Variants in NR3C2 observed in about 807,000 individuals in gnomAD.
The protein encoded by NR3C2 is nuclear receptor subfamily 3 group C member 2, also known as mineralocorticoid receptor.
Under a neutral mutation model 86.4 loss-of-function variants are expected in NR3C2, and 15 were observed. The ratio of observed to expected loss-of-function variants is 0.17; its 90% CI spans 0.12 to 0.27. The LOEUF is 0.27. Among genes scored for constraint, NR3C2 ranks in the 10% least tolerant of loss-of-function variants. The pLI is 1.00. For missense variants in NR3C2, 960 were observed against 1,195.6 expected (o/e 0.80, Z 2.91); for synonymous variants, 458 against 450.5 (o/e 1.02, Z -0.21).
At chr4:148,416,056 AAAT>A (rs1306918364) in intron 2 of NR3C2, among the ~76,000 whole-genome samples, 2 of 152,178 alleles carry the variant, frequency 1.3e-5, no homozygotes, top group East Asian at 3.9e-4. Context: ...TAAATATAAA[AAAT>A]AAATTGTAAT....
intron 8 of NR3C2, among the ~76,000 whole-genome samples, chr4:148,092,161 T>C (rs542316978): frequency 9.1e-4 from 139 of 152,322 alleles, no homozygotes; most frequent in Non-Finnish European, 1.5e-3. Context: ...GTTCTTTCTC[T>C]GCAGTCACCT....
At chr4:148,303,601 C>T (rs1742452626) in intron 2 of NR3C2, among the ~76,000 whole-genome samples, 1 of 151,958 alleles carries the variant, frequency 6.6e-6, no homozygotes, top group Non-Finnish European at 1.5e-5. Flanking sequence ...ATAAGGAGTC[C>T]ATACAACCCC....
At chr4:148,380,872 A>G (rs1274821866) in intron 2 of NR3C2, among the ~76,000 whole-genome samples, 1 of 152,208 alleles carries the variant, frequency 6.6e-6, no homozygotes, top group Admixed American at 6.5e-5. Flanking sequence ...TGACCAAAAA[A>G]CCATAATATT....
At chr4:148,244,413 A>T (rs1739219902) in intron 3 of NR3C2, among the ~76,000 whole-genome samples, 1 of 152,226 alleles carries the variant, frequency 6.6e-6, no homozygotes, top group African/African-American at 2.4e-5. Context: ...TCGAAATTGT[A>T]GCTACTTTGT....
At chr4:148,312,672 T>C (rs1393108197) in intron 2 of NR3C2, among the ~76,000 whole-genome samples, 1 of 152,204 alleles carries the variant, frequency 6.6e-6, no homozygotes, top group African/African-American at 2.4e-5. Context: ...TACAGTTGTA[T>C]ATGATACTCT....
chr4:148,434,396 T>C (rs1270702481), intron 2 of NR3C2, among the ~76,000 whole-genome samples: 1 of 152,208 alleles, frequency 6.6e-6, no homozygotes, highest in Non-Finnish European at 1.5e-5. Context: ...ATAAAATATG[T>C]CTTCTTGCAG....
At chr4:148,257,910 A>T (rs2149869123) in intron 3 of NR3C2, among the ~76,000 whole-genome samples, 1 of 152,330 alleles carries the variant, frequency 6.6e-6, no homozygotes, top group East Asian at 1.9e-4. Context: ...AAGTTTCATT[A>T]TCCATGGATC....
chr4:148,318,718 G>T (rs185730590), intron 2 of NR3C2, among the ~76,000 whole-genome samples: 5 of 146,520 alleles, frequency 3.4e-5, no homozygotes, highest in African/African-American at 1.2e-4. Context: ...CTTTTTGATG[G>T]GGTTGTTTGT....
intron 4 of NR3C2, among the ~76,000 whole-genome samples, chr4:148,170,665 G>A (rs1022191963): frequency 3.3e-5 from 5 of 152,192 alleles, no homozygotes; most frequent in Non-Finnish European, 7.3e-5. Flanking sequence ...TTATAGATGG[G>A]TGAATTCTAT....
intron 2 of NR3C2, among the ~76,000 whole-genome samples, chr4:148,276,769 T>G (rs188527143): frequency 4.5e-4 from 68 of 152,304 alleles, no homozygotes; most frequent in African/African-American, 1.6e-3. Context: ...AAGAGAAAAG[T>G]GCGGTAGCAC....
chr4:148,406,031 T>C (rs1687632033), intron 2 of NR3C2, among the ~76,000 whole-genome samples: 1 of 152,102 alleles, frequency 6.6e-6, no homozygotes, highest in South Asian at 2.1e-4. Flanking sequence ...CCAGGTGCAA[T>C]GGTACCTTCC....
At position 148,436,069 on chromosome 4, in the gene NR3C2, C is replaced by T. The variant is rs192001093; in HGVS notation, c.792G>A (p.Pro264=). ...AAATTGAGGATTTCATGCTACTTAA[C>T]GGACTTGAGAGAGGAGAGCCCACAT... The part of the protein sequence containing the change: ...ASNVGSPLSS[P]LSSMKSSISS... The change falls in exon 2 of 9, where the codon CCG becomes CCA. Residue 264 remains proline, a synonymous_variant. Transcript: ENST00000358102. 6.8e-6 allele frequency: 11 copies of T among 1,614,082 alleles called. No individual in the cohort carries two copies. The highest frequency in any genetic ancestry group is 3.3e-5 in the Admixed American group (2 of 60,002).
chr4:148,095,315 A>G (rs1446945550), intron 8 of NR3C2, among the ~76,000 whole-genome samples: 1 of 152,204 alleles, frequency 6.6e-6, no homozygotes, highest in East Asian at 1.9e-4. Flanking sequence ...CTGTCTGGTT[A>G]CGGCTCAGCA....
intron 6 of NR3C2, among the ~76,000 whole-genome samples, chr4:148,128,991 G>A (rs377526264): frequency 6.6e-6 from 1 of 152,182 alleles, no homozygotes; most frequent in African/African-American, 2.4e-5. Context: ...TGAACTTTAG[G>A]CCTGGAAAAA....
chr4:148,249,332 C>A (rs979943806), intron 3 of NR3C2, among the ~76,000 whole-genome samples: 2 of 151,898 alleles, frequency 1.3e-5, no homozygotes, highest in African/African-American at 4.8e-5. Flanking sequence ...AGTTTTGATT[C>A]CACTGAAACA....
chr4:148,370,250 T>C (rs543976125), intron 2 of NR3C2, among the ~76,000 whole-genome samples: 30 of 152,306 alleles, frequency 2.0e-4, no homozygotes, highest in Admixed American at 1.8e-3. Flanking sequence ...AAACATGCCA[T>C]GGAAGATGCA....
At chr4:148,143,954 A>AG (rs1733744119) in intron 6 of NR3C2, among the ~76,000 whole-genome samples, 1 of 150,774 alleles carries the variant, frequency 6.6e-6, no homozygotes, top group Non-Finnish European at 1.5e-5. Flanking sequence ...TCTCAAAAAA[A>AG]AAAAAAAAAA....
In NR3C2 at chr4:148,363,369, A is replaced by T. The variant is rs143566831; in HGVS notation, c.1757+71735T>A. 1.6e-4 allele frequency among the ~76,000 whole-genome samples: 24 copies of T among 152,050 alleles called. No homozygotes were observed. The East Asian group carries it at 4.6e-3, about 29-fold the overall frequency. On this transcript the variant is annotated intron_variant, in intron 2 of 8. Transcript: ENST00000358102. ...ACCTGTCAGAACACACCTTCCTTCC[A>T]TTTTTCAGTCATTTATTCACTTCAC... is the stretch of plus-strand genomic sequence containing the variant.
intron 3 of NR3C2, among the ~76,000 whole-genome samples, chr4:148,204,043 C>A (rs984085886): frequency 1.3e-5 from 2 of 152,088 alleles, no homozygotes; most frequent in Non-Finnish European, 2.9e-5. Flanking sequence ...TGGATAAGCA[C>A]AAAATTCCCA....
Sources: allele counts gnomAD v4.1 joint callset (sites outside exome capture counted in the v4.1 genomes callset), GRCh38; gene constraint gnomAD v4.1.1; transcripts MANE v1.5; gene names NCBI Gene and HGNC (gene_info 2026-07-23, HGNC 2026-07-21).